Variants in DIMT1 observed in about 807,000 individuals in gnomAD.
DIMT1 encodes dimethyladenosine transferase.
DIMT1 carries 36 observed loss-of-function variants against 43.2 expected under a neutral mutation model. The ratio of observed to expected loss-of-function variants is 0.83; its 90% CI spans 0.64 to 1.10. DIMT1 has a LOEUF of 1.10. DIMT1 is among the 50% of genes least tolerant of loss of function. DIMT1 has a pLI of 0.00. For synonymous variants in DIMT1, 126 were observed against 130.3 expected (o/e 0.97, Z 0.22); for missense variants, 341 against 385.3 (o/e 0.88, Z 0.96).
intron 3 of DIMT1, among the ~76,000 whole-genome samples, chr5:62,400,501 C>T (rs1189180854): frequency 6.6e-6 from 1 of 152,064 alleles, no homozygotes; most frequent in African/African-American, 2.4e-5. Flanking sequence ...AATCCTCCCA[C>T]CTTGGCCTCC....
Position 62,392,157 on chromosome 5 carries a change from A to G in DIMT1, c.792+14T>C, listed in dbSNP as rs1339039496. 2.5e-6 allele frequency: 4 copies of G among 1,609,582 alleles called. No individual in the cohort carries two copies. The highest frequency in any genetic ancestry group is 2.2e-5 in the East Asian group (1 of 44,798). ...AACAAATCAATGAAACTGCAGGAAC[A>G]TTTTCTAACTTACAATATTATGGAC... On this transcript the variant is annotated intron_variant, in intron 10 of 11. Coordinates refer to ENST00000199320, the MANE Select transcript of DIMT1 (RefSeq NM_014473.4).
chr5:62,389,210 G>A (rs1411334930), intron 11 of DIMT1, among the ~76,000 whole-genome samples, 158 bp from the exon 12 acceptor site: 1 of 151,928 alleles, frequency 6.6e-6, no homozygotes. Flanking sequence ...TACTGGCTGG[G>A]CGCAGTGGCT....
rs759876586 is a variant in DIMT1, at chr5:62,388,944, C to G, written c.*66G>C. ...CTCAGTAAAGCAAAAGCATTATCTT[C>G]TCAAATACAAAAAATACAAAATTCA... On this transcript the variant is annotated 3_prime_UTR_variant, in exon 12 of 12. Coordinates refer to ENST00000199320, the MANE Select transcript of DIMT1 (RefSeq NM_014473.4). 8.8e-6 allele frequency: 13 copies of G among 1,477,168 alleles called. No individual in the cohort carries two copies. Among genetic ancestry groups the G allele is most frequent in the Admixed American group, 1.8e-5 (1 of 54,684 alleles). 91.5% of individuals were successfully genotyped at this position (1,477,168 alleles called of 1,614,324 possible). A position where few individuals can be genotyped will look rare whatever the true frequency, so the allele number is the denominator to read the frequency against.
At chr5:62,397,780 C>G (rs1742550024) in intron 6 of DIMT1, among the ~76,000 whole-genome samples, 1 of 151,962 alleles carries the variant, frequency 6.6e-6, no homozygotes, top group Non-Finnish European at 1.5e-5. Context: ...TCCCGAGTGG[C>G]TGGGACTACA....
rs116818428 is a variant in DIMT1, at chr5:62,399,672, T to C, written c.241-791A>G. Among the ~76,000 whole-genome samples the C allele has an allele frequency of 4.7e-3, 681 of 144,292 alleles. 4 individuals carry two copies. Among genetic ancestry groups the C allele is most frequent in the African/African-American group, 0.016 (638 of 39,032 alleles). 94.7% of individuals were successfully genotyped at this position (144,292 alleles called of 152,430 possible). A position where few individuals can be genotyped will look rare whatever the true frequency, so the allele number is the denominator to read the frequency against. ...AAAAAAAAAAAGCCGGGTGTGAGGCTGAGGTGGGCGGATCATGAGTTCAGG... is the reference window on the plus strand; with the variant it reads ...AAAAAAAAAAAGCCGGGTGTGAGGCCGAGGTGGGCGGATCATGAGTTCAGG... On this transcript the variant is annotated intron_variant, in intron 3 of 11. Coordinates refer to ENST00000199320, the MANE Select transcript of DIMT1 (RefSeq NM_014473.4).
Position 62,390,877 on chromosome 5 carries a change from T to A in DIMT1, c.898A>T (p.Arg300Ter). ...TTAGGAAAACAAAAATGTAATTACC[T>A]GATGAAGTCATCTATGTCCATGGAA... ...ARSMDIDDFI[R>*]LLHGFNAEGI... The change falls in exon 11 of 12, where the codon AGA becomes TGA. Residue 300 changes from arginine to a stop codon, truncating the protein, a stop_gained and splice_region_variant. Transcript: ENST00000199320. LOFTEE classifies it high-confidence loss of function. 1 of 1,611,102 alleles carries A rather than the reference T, an allele frequency of 6.2e-7. No homozygotes were observed. The highest frequency in any genetic ancestry group is 8.5e-7 in the Non-Finnish European group (1 of 1,179,022).
At chr5:62,402,668 G>C (rs1742748316) in intron 2 of DIMT1, among the ~76,000 whole-genome samples, 1 of 152,038 alleles carries the variant, frequency 6.6e-6, no homozygotes, top group Admixed American at 6.6e-5. Context: ...TTTTTTCTCA[G>C]TTTTCAAATG....
chr5:62,388,795 T>C lies in DIMT1; in HGVS notation c.*215A>G. On this transcript the variant is annotated 3_prime_UTR_variant, in exon 12 of 12. Coordinates refer to ENST00000199320, the MANE Select transcript of DIMT1 (RefSeq NM_014473.4). The stretch of plus-strand genomic sequence containing the variant: ...TCCTGAACTTGAAGATTATTATGAA[T>C]AGATTGGACCAGCATTATATATTAA... 3.5e-6 allele frequency: 2 copies of C among 569,430 alleles called. No individual in the cohort carries two copies. Among genetic ancestry groups the C allele is most frequent in the Non-Finnish European group, 6.3e-6 (2 of 316,958 alleles). The allele number at this position is 569,430 out of a possible 1,614,324, so 35.3% of individuals were successfully genotyped here. A position where few individuals can be genotyped will look rare whatever the true frequency, so the allele number is the denominator to read the frequency against.
At chr5:62,392,561 T>C (rs536152485) in intron 9 of DIMT1, among the ~76,000 whole-genome samples, 18 of 152,274 alleles carry the variant, frequency 1.2e-4, no homozygotes, top group African/African-American at 4.3e-4. Flanking sequence ...TCTTTTACCC[T>C]TGAACCCCAA....
rs976516814 is a variant in DIMT1, at chr5:62,388,110, A to C, written c.*900T>G. The C allele has an allele frequency of 6.6e-6, 1 of 152,178 alleles. No individual in the cohort carries two copies. The highest frequency in any genetic ancestry group is 6.5e-5 in the Admixed American group (1 of 15,280). 9.4% of individuals were successfully genotyped at this position (152,178 alleles called of 1,614,324 possible). On this transcript the variant is annotated 3_prime_UTR_variant, in exon 12 of 12. Coordinates refer to ENST00000199320, the MANE Select transcript of DIMT1 (RefSeq NM_014473.4). ...TTGAAATTCTCAGTCTGACAGTTTTAAAATAGCTTAAAACTAAGCACCAGG... is the reference window on the plus strand; with the variant it reads ...TTGAAATTCTCAGTCTGACAGTTTTCAAATAGCTTAAAACTAAGCACCAGG...
chr5:62,394,153 T>G, intron 7 of DIMT1, 106 bp from the exon 8 acceptor site: 1 of 1,036,312 alleles, frequency 9.6e-7, no homozygotes, highest in Non-Finnish European at 1.4e-6. Context: ...AAGGATGAAT[T>G]AAGCTAGATT....
At chr5:62,390,320 T>C (rs1742245277) in intron 11 of DIMT1, among the ~76,000 whole-genome samples, 1 of 152,198 alleles carries the variant, frequency 6.6e-6, no homozygotes, top group African/African-American at 2.4e-5. Context: ...TTGGTCTAAA[T>C]TACCTAGATA....
At chr5:62,400,209 G>T (rs538513010) in intron 3 of DIMT1, among the ~76,000 whole-genome samples, 222 of 151,976 alleles carry the variant, frequency 1.5e-3, no homozygotes, top group Non-Finnish European at 2.2e-3. Flanking sequence ...AAATTTTATT[G>T]CAATTTCAGC....
rs1742315328 is a variant in DIMT1 at position 62,391,861 on chromosome 5, G to A, written c.792+310C>T. On this transcript the variant is annotated intron_variant, in intron 10 of 11. Transcript: ENST00000199320. ...TACACAATTATTTTAAGTTGTGCAA[G>A]CTACACATATCTACAGCTTTGAGGA... 27 of 1,505,078 alleles carry A rather than the reference G, an allele frequency of 1.8e-5. No individual in the cohort carries two copies. In the South Asian group the frequency reaches 2.8e-4, roughly 16 times the overall value. 93.2% of individuals were successfully genotyped at this position (1,505,078 alleles called of 1,614,324 possible).
intron 9 of DIMT1, among the ~76,000 whole-genome samples, chr5:62,392,455 C>T (rs945901571): frequency 6.6e-6 from 1 of 151,950 alleles, no homozygotes; most frequent in Non-Finnish European, 1.5e-5. Context: ...AGTGCAAAAT[C>T]CTAATACCTC....
chr5:62,393,851 T>G, intron 8 of DIMT1, 104 bp downstream of exon 8: 1 of 983,164 alleles, frequency 1.0e-6, no homozygotes, highest in Non-Finnish European at 1.5e-6. Flanking sequence ...TTTCCTATGT[T>G]TGAATATTTA....
chr5:62,394,368 G>A (rs1013259981), intron 7 of DIMT1, 116 bp downstream of exon 7: 7 of 1,147,494 alleles, frequency 6.1e-6, no homozygotes, highest in Non-Finnish European at 8.9e-6. Flanking sequence ...CTCGGGACTC[G>A]AGAAGATTGC....
chr5:62,391,197 C>T, intron 10 of DIMT1: 1 of 491,724 alleles, frequency 2.0e-6, no homozygotes, highest in East Asian at 3.2e-5. Context: ...ATTAGTAATC[C>T]TGTCTATATT....
intron 8 of DIMT1, among the ~76,000 whole-genome samples, chr5:62,393,387 A>G (rs1742372134): frequency 6.6e-6 from 1 of 152,258 alleles, no homozygotes; most frequent in Non-Finnish European, 1.5e-5. Flanking sequence ...TCTTAAAAAA[A>G]GAAAGGGAAG....
Sources: allele counts gnomAD v4.1 joint callset (sites outside exome capture counted in the v4.1 genomes callset), GRCh38; gene constraint gnomAD v4.1.1; transcripts MANE v1.5; gene names NCBI Gene and HGNC (gene_info 2026-07-23, HGNC 2026-07-21).